ECPAS: variants seen among roughly 807,000 people sequenced by gnomAD.
ECPAS encodes Ecm29 proteasome adaptor and scaffold.
A neutral mutation model predicts 255.1 loss-of-function variants in ECPAS; 70 were observed. The ratio of observed to expected loss-of-function variants is 0.27; its 90% CI spans 0.23 to 0.33. ECPAS has a LOEUF of 0.33. Ranked by LOEUF, ECPAS falls within the 10% of genes least tolerant of loss-of-function variation. The probability of loss-of-function intolerance (pLI) is 1.00; values close to 1 mark genes in which losing one functional copy is unlikely to be tolerated. For missense variants in ECPAS, 1,817 were observed against 2,206.4 expected, an observed-to-expected ratio of 0.82 and a Z score of 3.54; for synonymous variants, 784 against 775.0, an observed-to-expected ratio of 1.01 and a Z score of -0.19.
At position 111,376,456 on chromosome 9, in the gene ECPAS, T is replaced by C. The variant is rs142152522; in HGVS notation, c.4020+20A>G. ...TCAGGTAAGCAAACAAACCCTCTCA[T>C]TATTATTTAAGACACTCACCATGTT... On this transcript the variant is annotated intron_variant, in intron 37 of 49. Coordinates refer to ENST00000684092, the MANE Select transcript of ECPAS (RefSeq NM_001364929.1). 3.3e-5 allele frequency: 52 copies of C among 1,561,916 alleles called. No individual in the cohort carries two copies. The African/African-American group carries it at 6.5e-4, about 20-fold the overall frequency.
chr9:111,391,621 G>T, intron 29 of ECPAS, 135 bp downstream of exon 29: 2 of 569,292 alleles, frequency 3.5e-6, no homozygotes, highest in Non-Finnish European at 6.1e-6. Flanking sequence ...TTCCATGTAA[G>T]TTTTCTTCTT....
intron 38 of ECPAS, among the ~76,000 whole-genome samples, 166 bp from the exon 39 acceptor site, chr9:111,374,204 C>A (rs114135891): frequency 6.6e-6 from 1 of 152,118 alleles, no homozygotes; most frequent in African/African-American, 2.4e-5. Context: ...AGTAATGCAG[C>A]GATTTTTTTT....
rs1173531304 is a variant in ECPAS at position 111,372,609 on chromosome 9, T to C, written c.4348A>G (p.Lys1450Glu). 3 of 1,608,516 alleles carry C rather than the reference T, an allele frequency of 1.9e-6. No homozygotes were observed. The highest frequency in any genetic ancestry group is 1.7e-5 in the Admixed American group (1 of 59,196). ...TGAATAGTCAAAGCACAAGAGGTCT[T>C]GTAGATAGGTTCTGAAAAGGAGAAA... ...WYMEKEEPIY[K>E]TSCALTIHAI... Residue 1450 changes from lysine to glutamate, a missense_variant, in exon 42 of 50, where the codon AAG (lysine) becomes GAG (glutamate). By Grantham distance (56) the Lys-to-Glu change is moderately conservative (BLOSUM62 1). Around this residue, in one of 4 missense-constraint regions of ECPAS, gnomAD observed 960 missense variants for 1,179.0 expected, o/e 0.81. Transcript: ENST00000684092.
intron 2 of ECPAS, among the ~76,000 whole-genome samples, chr9:111,457,620 T>C (rs570914760): frequency 3.3e-5 from 5 of 152,188 alleles, no homozygotes; most frequent in Admixed American, 6.5e-5. Context: ...AGTCTTCTTC[T>C]GAGATTTGGA....
At chr9:111,398,318 G>T (rs931998111) in intron 24 of ECPAS, among the ~76,000 whole-genome samples, 1 of 152,124 alleles carries the variant, frequency 6.6e-6, no homozygotes, top group Admixed American at 6.5e-5. Context: ...CTTATTAGGG[G>T]TTCATTTTAT....
At chr9:111,454,867 C>A (rs1185905901) in intron 2 of ECPAS, among the ~76,000 whole-genome samples, 1 of 152,088 alleles carries the variant, frequency 6.6e-6, no homozygotes, top group East Asian at 1.9e-4. Flanking sequence ...CCACACCCAG[C>A]TGATTTTTTT....
chr9:111,480,808 C>T (rs1333357143), intron 1 of ECPAS, among the ~76,000 whole-genome samples: 2 of 152,102 alleles, frequency 1.3e-5, no homozygotes, highest in Non-Finnish European at 2.9e-5. Context: ...TTTAACTGAA[C>T]AAAACAAGAA....
chr9:111,471,811 T>C (rs57215604), intron 2 of ECPAS, among the ~76,000 whole-genome samples: 9,765 of 152,162 alleles, frequency 0.064, 465 homozygotes, highest in East Asian at 0.21. Flanking sequence ...TTCTCACAAA[T>C]AGAACAACTG....
chr9:111,413,929 G>T lies in ECPAS; in HGVS notation c.2045C>A (p.Ala682Asp). Residue 682 changes from alanine to aspartate, a missense_variant, in exon 20 of 50, where the codon GCT becomes GAT. This residue lies in a region of ECPAS where 573 missense variants were observed against 716.2 expected (regional missense o/e 0.80). Transcript: ENST00000684092. ...EAVSVYPEKL[A>D]TKFVDKTEWI... ...TTCTGTTTTGTCTACAAATTTGGTA[G>T]CCAGCTTTTCTGGATACACTGACAC... 1 of 1,587,892 alleles carries T rather than the reference G, an allele frequency of 6.3e-7. No homozygotes were observed. The highest frequency in any genetic ancestry group is 8.6e-7 in the Non-Finnish European group (1 of 1,165,638).
intron 12 of ECPAS, among the ~76,000 whole-genome samples, chr9:111,424,736 T>C (rs2098218991): frequency 6.6e-6 from 1 of 152,206 alleles, no homozygotes; most frequent in Non-Finnish European, 1.5e-5. Context: ...TCTTAGCCCC[T>C]GAGAATTAAC....
At chr9:111,399,378 A>G (rs1377209808) in intron 24 of ECPAS, among the ~76,000 whole-genome samples, 1 of 152,178 alleles carries the variant, frequency 6.6e-6, no homozygotes, top group Non-Finnish European at 1.5e-5. Flanking sequence ...CACTGCCTAT[A>G]CCACCCCTCC....
intron 10 of ECPAS, among the ~76,000 whole-genome samples, chr9:111,427,097 C>A (rs1428347489): frequency 6.7e-6 from 1 of 149,626 alleles, no homozygotes; most frequent in African/African-American, 2.5e-5. Context: ...GAGGTAGAGG[C>A]TGAGTGAGAC....
intron 46 of ECPAS, among the ~76,000 whole-genome samples, chr9:111,367,187 C>A (rs2098121373): frequency 6.6e-6 from 1 of 152,118 alleles, no homozygotes. Flanking sequence ...GCAGAAAACT[C>A]AACAACGAAG....
chr9:111,459,957 C>A (rs149363377), intron 2 of ECPAS, among the ~76,000 whole-genome samples: 72 of 152,160 alleles, frequency 4.7e-4, no homozygotes, highest in Middle Eastern at 3.4e-3. Flanking sequence ...GCCAGAATAA[C>A]CTTGATACCA....
At chr9:111,383,414 C>A in intron 34 of ECPAS, 82 bp from the exon 35 acceptor site, 2 of 1,479,394 alleles carry the variant, frequency 1.4e-6, no homozygotes, top group Non-Finnish European at 1.8e-6. Context: ...CTTTCTACTT[C>A]ACATATCTAC....
At chr9:111,459,828 CAA>C (rs906646868) in intron 2 of ECPAS, among the ~76,000 whole-genome samples, 6 of 152,084 alleles carry the variant, frequency 3.9e-5, no homozygotes, top group Middle Eastern at 3.4e-3. Context: ...CCTCCCCACA[CAA>C]AAAAATGGCA....
At chr9:111,483,956 C>G (rs1424002154) in intron 1 of ECPAS, 160 bp downstream of exon 1, 16 of 974,306 alleles carry the variant, frequency 1.6e-5, no homozygotes, top group African/African-American at 1.8e-5. Flanking sequence ...CCCGCCCGCC[C>G]TCGCTCGCTC....
intron 2 of ECPAS, among the ~76,000 whole-genome samples, chr9:111,471,292 C>T (rs2098287750): frequency 6.6e-6 from 1 of 152,180 alleles, no homozygotes; most frequent in South Asian, 2.1e-4. Flanking sequence ...CTAAACAATT[C>T]TTCCCATCTC....
At chr9:111,421,793 T>C (rs548304586) in intron 15 of ECPAS, 128 bp downstream of exon 15, 3 of 1,101,884 alleles carry the variant, frequency 2.7e-6, no homozygotes, top group Admixed American at 2.9e-5. Context: ...GAATTAAAAA[T>C]AGATCCTAAA....
Sources: allele counts gnomAD v4.1 joint callset (sites outside exome capture counted in the v4.1 genomes callset), GRCh38; gene constraint gnomAD v4.1.1; regional missense constraint gnomAD v4.1.1; transcripts MANE v1.5; gene names NCBI Gene and HGNC (gene_info 2026-07-23, HGNC 2026-07-21).